PLCB1: variants seen among roughly 807,000 people sequenced by gnomAD.
PLCB1 encodes phospholipase C beta 1.
A neutral mutation model predicts 161.8 loss-of-function variants in PLCB1; 46 were observed. The ratio of observed to expected loss-of-function variants is 0.28; its 90% CI spans 0.22 to 0.36. PLCB1 has a LOEUF of 0.36. Among genes scored for constraint, PLCB1 ranks in the 10% least tolerant of loss-of-function variants. The pLI is 1.00. For synonymous variants in PLCB1, 517 were observed against 503.7 expected, an observed-to-expected ratio of 1.03 and a Z score of -0.35; for missense variants, 1,016 against 1,472.5, an observed-to-expected ratio of 0.69 and a Z score of 5.07.
intron 2 of PLCB1, among the ~76,000 whole-genome samples, chr20:8,226,089 A>G (rs1416811802): frequency 6.6e-6 from 1 of 152,070 alleles, no homozygotes; most frequent in Non-Finnish European, 1.5e-5. Flanking sequence ...GGGCTCTTAT[A>G]TTGTTTAATG....
chr20:8,345,616 A>G (rs1320137912), intron 2 of PLCB1, among the ~76,000 whole-genome samples: 3 of 152,146 alleles, frequency 2.0e-5, no homozygotes, highest in Admixed American at 2.0e-4. Flanking sequence ...GACCCCTTAG[A>G]TGCCAGCAGC....
intron 3 of PLCB1, among the ~76,000 whole-genome samples, chr20:8,531,083 G>T (rs890288482): frequency 1.3e-5 from 2 of 151,996 alleles, no homozygotes; most frequent in South Asian, 2.1e-4. Context: ...AATTAAACTA[G>T]ATTTAGAAGA....
intron 2 of PLCB1, among the ~76,000 whole-genome samples, chr20:8,299,984 A>G (rs1264316422): frequency 6.6e-6 from 1 of 152,198 alleles, no homozygotes; most frequent in Non-Finnish European, 1.5e-5. Flanking sequence ...CCTCACTGGC[A>G]TAAAACACAA....
chr20:8,271,867 T>G (rs1982302390), intron 2 of PLCB1, among the ~76,000 whole-genome samples: 1 of 151,872 alleles, frequency 6.6e-6, no homozygotes, highest in African/African-American at 2.4e-5. Context: ...AGAAGTGAGG[T>G]TATATAATTA....
Position 8,837,791 on chromosome 20 carries a change from C to T in PLCB1, c.3424-43831C>T, listed in dbSNP as rs112252556. On this transcript the variant is annotated intron_variant, in intron 31 of 31. Coordinates refer to ENST00000338037, the MANE Select transcript of PLCB1 (RefSeq NM_015192.4). ...TGACACTCTACTCTGTAGGCCAGAACTTACAATGGAAACTGCAGTCACTGA... is the reference window on the plus strand; with the variant it reads ...TGACACTCTACTCTGTAGGCCAGAATTTACAATGGAAACTGCAGTCACTGA... Among the ~76,000 whole-genome samples the T allele has an allele frequency of 4.9e-3, 739 of 152,300 alleles. 11 individuals are homozygous for T. Among genetic ancestry groups the T allele is most frequent in the African/African-American group, 0.017 (689 of 41,560 alleles).
chr20:8,860,346 T>A (rs1210423568), intron 31 of PLCB1, among the ~76,000 whole-genome samples: 1 of 152,180 alleles, frequency 6.6e-6, no homozygotes, highest in Non-Finnish European at 1.5e-5. Flanking sequence ...ACTTGAAGCT[T>A]TGGTTTTATA....
intron 2 of PLCB1, among the ~76,000 whole-genome samples, chr20:8,212,821 A>C (rs1025217448): frequency 6.6e-6 from 1 of 152,154 alleles, no homozygotes; most frequent in Non-Finnish European, 1.5e-5. Context: ...ATTCTACTAC[A>C]TATTTTAGAA....
At chr20:8,473,798 G>A (rs1325515034) in intron 3 of PLCB1, among the ~76,000 whole-genome samples, 1 of 152,138 alleles carries the variant, frequency 6.6e-6, no homozygotes. Context: ...TGCAAAGGCT[G>A]GGCACTCAGC....
At chr20:8,506,412 T>C (rs1378452851) in intron 3 of PLCB1, among the ~76,000 whole-genome samples, 3 of 152,354 alleles carry the variant, frequency 2.0e-5, no homozygotes, top group Admixed American at 6.5e-5. Context: ...TTTTTGGTGC[T>C]GTACCCTATA....
At chr20:8,213,690 G>GT (rs1205175434) in intron 2 of PLCB1, among the ~76,000 whole-genome samples, 11 of 151,814 alleles carry the variant, frequency 7.2e-5, no homozygotes, top group African/African-American at 2.4e-4. Context: ...GGTGGTGGTG[G>GT]TGGTGTGTGT....
At chr20:8,655,713 C>G (rs547322092) in intron 7 of PLCB1, among the ~76,000 whole-genome samples, 73 of 152,096 alleles carry the variant, frequency 4.8e-4, no homozygotes, top group Admixed American at 3.9e-3. Context: ...GGAGAACACC[C>G]TTGGGGTTCA....
intron 2 of PLCB1, among the ~76,000 whole-genome samples, chr20:8,284,189 C>T (rs1484784405): frequency 6.6e-6 from 1 of 151,956 alleles, no homozygotes; most frequent in African/African-American, 2.4e-5. Flanking sequence ...TTAACTAGGT[C>T]TCCCCCTTTT....
Position 8,132,541 on chromosome 20 carries a change from G to T in PLCB1, c.-111G>T. The T allele has an allele frequency of 1.7e-6, 1 of 584,306 alleles. No homozygotes were observed. The highest frequency in any genetic ancestry group is 3.4e-5 in the South Asian group (1 of 29,678). 36.2% of individuals were successfully genotyped at this position (584,306 alleles called of 1,614,324 possible). ...GGGGAGGCCGGCGGGGAGCAGAGTC[G>T]AGCGCCTCCGGAGCAGAGAAAGGAG... On this transcript the variant is annotated 5_prime_UTR_variant, in exon 1 of 32. Transcript: ENST00000338037. This position sits in a 1 kb window ranked among gnomAD's most constrained non-coding sequence, Gnocchi z 5.2.
chr20:8,430,014 G>T (rs1452639400), intron 3 of PLCB1, among the ~76,000 whole-genome samples: 2 of 151,938 alleles, frequency 1.3e-5, no homozygotes, highest in Non-Finnish European at 2.9e-5. Context: ...AGAAGGGCAG[G>T]CCAGATTGGA....
At chr20:8,555,203 G>T (rs1245864927) in intron 3 of PLCB1, among the ~76,000 whole-genome samples, 1 of 151,974 alleles carries the variant, frequency 6.6e-6, no homozygotes, top group Non-Finnish European at 1.5e-5. Context: ...CTACTCTGCT[G>T]TTTTTGCTGA....
Position 8,301,324 on chromosome 20 carries a change from A to G in PLCB1, c.178-70058A>G, listed in dbSNP as rs559467027. On this transcript the variant is annotated intron_variant, in intron 2 of 31. Coordinates refer to ENST00000338037, the MANE Select transcript of PLCB1 (RefSeq NM_015192.4). ...GCTGAATTTGGCACCTCATAATTTA[A>G]TAGTCAAATCATTTGCTGTCTATTT... Among the ~76,000 whole-genome samples, 3 of 152,292 alleles carry G rather than the reference A, an allele frequency of 2.0e-5. No homozygotes were observed. The East Asian group carries it at 5.8e-4, about 29-fold the overall frequency.
chr20:8,547,268 G>C (rs1227246708), intron 3 of PLCB1, among the ~76,000 whole-genome samples: 2 of 152,100 alleles, frequency 1.3e-5, no homozygotes, highest in African/African-American at 4.8e-5. Flanking sequence ...GGCAGACTTT[G>C]GGACTACTGT....
At chr20:8,282,561 T>C (rs2719785) in intron 2 of PLCB1, among the ~76,000 whole-genome samples, 2,061 of 152,346 alleles carry the variant, frequency 0.014, 43 homozygotes, top group African/African-American at 0.045. Context: ...ATAATCTTCA[T>C]TTTATGTTAT....
chr20:8,178,637 A>C (rs1163067964), intron 2 of PLCB1, among the ~76,000 whole-genome samples: 2 of 152,228 alleles, frequency 1.3e-5, no homozygotes, highest in Non-Finnish European at 2.9e-5. Flanking sequence ...TTTGGTTTAA[A>C]TTAGATCCCA....
Sources: allele counts gnomAD v4.1 joint callset (sites outside exome capture counted in the v4.1 genomes callset), GRCh38; gene constraint gnomAD v4.1.1; non-coding constraint Gnocchi (gnomAD v3.1); transcripts MANE v1.5; gene names NCBI Gene and HGNC (gene_info 2026-07-23, HGNC 2026-07-21).